NCBP3: variants seen among roughly 807,000 people sequenced by gnomAD.
NCBP3 encodes the protein nuclear cap-binding protein subunit 3.
NCBP3 carries 20 observed loss-of-function variants against 75.7 expected under a neutral mutation model. That is an observed-to-expected ratio of 0.26 (90% CI 0.19 to 0.38). NCBP3 has a LOEUF of 0.38. Ranked by LOEUF, NCBP3 falls within the 10% of genes least tolerant of loss-of-function variation. NCBP3 has a pLI of 1.00. For missense variants in NCBP3, 678 were observed against 796.9 expected (o/e 0.85, Z 1.80); for synonymous variants, 293 against 290.5 (o/e 1.01, Z -0.09).
chr17:3,814,292 C>A (rs747260140), intron 12 of NCBP3, 30 bp downstream of exon 12: 1 of 1,611,346 alleles, frequency 6.2e-7, no homozygotes. Flanking sequence ...CACTGAATCC[C>A]CATTCCCATC....
chr17:3,838,595 G>A (rs2054015292), intron 3 of NCBP3, among the ~76,000 whole-genome samples: 2 of 152,172 alleles, frequency 1.3e-5, no homozygotes, highest in African/African-American at 2.4e-5. Flanking sequence ...GAGGAGGGAC[G>A]CAATATCAGT....
intron 2 of NCBP3, 63 bp downstream of exon 2, chr17:3,843,023 G>T: frequency 8.1e-7 from 1 of 1,236,148 alleles, no homozygotes; most frequent in Non-Finnish European, 1.2e-6. Context: ...TATGTCCTAG[G>T]GATCAAATTC....
chr17:3,820,094 G>T (rs768875264), intron 9 of NCBP3, among the ~76,000 whole-genome samples: 1 of 152,088 alleles, frequency 6.6e-6, no homozygotes. Context: ...ACAGGTATGT[G>T]CCATCATGCC....
intron 2 of NCBP3, among the ~76,000 whole-genome samples, chr17:3,841,070 G>C (rs987655744): frequency 6.6e-6 from 1 of 152,024 alleles, no homozygotes; most frequent in African/African-American, 2.4e-5. Context: ...TCCGCCTCCC[G>C]GGTTCAAGAG....
At chr17:3,843,419 A>C (rs111565147) in intron 1 of NCBP3, among the ~76,000 whole-genome samples, 2,914 of 151,668 alleles carry the variant, frequency 0.019, 107 homozygotes, top group African/African-American at 0.068. Flanking sequence ...TATTTTGTAG[A>C]GACAGGGTCT....
intron 3 of NCBP3, among the ~76,000 whole-genome samples, chr17:3,829,776 A>G (rs980028019): frequency 8.5e-5 from 13 of 152,222 alleles, no homozygotes; most frequent in African/African-American, 3.1e-4. Flanking sequence ...AAGAGAAGAG[A>G]TGCTGCCCGT....
rs549054051 is a variant in NCBP3 at position 3,807,242 on chromosome 17, A to G, written c.*5802T>C. ...CTTTAGGGTCTAGCGCCTGCCTACC[A>G]GCTTCCTCTACTTCTATCCCGGGAC... is the stretch of plus-strand genomic sequence containing the variant. On this transcript the variant is annotated 3_prime_UTR_variant, in exon 13 of 13. Coordinates refer to ENST00000389005, the MANE Select transcript of NCBP3 (RefSeq NM_001114118.3). 5.9e-5 allele frequency: 9 copies of G among 152,354 alleles called. No homozygotes were observed. The East Asian group carries it at 1.7e-3, about 29-fold the overall frequency. The allele number at this position is 152,354 out of a possible 1,614,324, so 9.4% of individuals were successfully genotyped here.
At position 3,821,491 on chromosome 17, in the gene NCBP3, C is replaced by T. The variant is rs148039384; in HGVS notation, c.897-139G>A. ...AGGCTGAAGTGCAATGGCACCATCTCAGCTCACTGCAACCTTTGCCTCTTG... is the reference window on the plus strand; with the variant it reads ...AGGCTGAAGTGCAATGGCACCATCTTAGCTCACTGCAACCTTTGCCTCTTG... On this transcript the variant is annotated intron_variant, in intron 8 of 12. Transcript: ENST00000389005. 5.2e-3 allele frequency: 3,301 copies of T among 639,710 alleles called. 91 individuals are homozygous for T. The African/African-American group carries it at 0.054, about 10-fold the overall frequency. 39.6% of individuals were successfully genotyped at this position (639,710 alleles called of 1,614,324 possible).
At position 3,843,107 on chromosome 17, in the gene NCBP3, A is replaced by T. The variant is rs1163914319; in HGVS notation, c.228T>A (p.Thr76=). 6.4e-7 allele frequency: 1 copy of T among 1,551,628 alleles called. No homozygotes were observed. Among genetic ancestry groups the T allele is most frequent in the Non-Finnish European group, 8.7e-7 (1 of 1,146,904 alleles). ...TTACCTTGGAGGTGACATCAATTCC[A>T]GTGATGAAGCTGCCAGCCTTGTTTT... is the stretch of plus-strand genomic sequence containing the variant. ...RYENKAGSFI[T]GIDVTSKEAI... Residue 76 remains threonine (T), a synonymous_variant, in exon 2 of 13, where the codon ACT becomes ACA. Transcript: ENST00000389005.
chr17:3,814,466 C>T lies in NCBP3; in HGVS notation c.1483G>A (p.Gly495Arg), dbSNP rs2053490151. 6.2e-7 allele frequency: 1 copy of T among 1,614,054 alleles called. No homozygotes were observed. The highest frequency in any genetic ancestry group is 1.3e-5 in the African/African-American group (1 of 74,908). Residue 495 changes from glycine to arginine, a missense_variant, in exon 12 of 13, where the codon GGA becomes AGA. Around this residue, in one of 7 missense-constraint regions of NCBP3, gnomAD observed 365 missense variants for 392.7 expected, o/e 0.93. Coordinates refer to ENST00000389005, the MANE Select transcript of NCBP3 (RefSeq NM_001114118.3). The stretch of plus-strand genomic sequence containing the variant: ...TTTTCCGGAGAATGTGGTCTTTTTC[C>T]TAACCGCTGGCGTATATCTGAAAAA... ...STKSDIRQRL[G>R]KRPHSPEKAF...
intron 9 of NCBP3, among the ~76,000 whole-genome samples, chr17:3,819,121 T>C (rs927295922): frequency 2.6e-5 from 4 of 152,274 alleles, no homozygotes; most frequent in African/African-American, 4.8e-5. Flanking sequence ...TGCTGCCTAG[T>C]GTTCCTAGAT....
intron 2 of NCBP3, 81 bp downstream of exon 2, chr17:3,843,005 T>G: frequency 8.8e-7 from 1 of 1,130,254 alleles, no homozygotes; most frequent in African/African-American, 1.6e-5. Flanking sequence ...AGAGGAAATA[T>G]TTACTGTTAT....
At chr17:3,835,965 T>C (rs759582121) in intron 3 of NCBP3, among the ~76,000 whole-genome samples, 5 of 152,218 alleles carry the variant, frequency 3.3e-5, no homozygotes, top group African/African-American at 9.6e-5. Context: ...TGTGGGACTA[T>C]GAGCAAGTTT....
At chr17:3,825,655 C>T (rs1164173471) in intron 6 of NCBP3, 112 bp downstream of exon 6, 2 of 724,970 alleles carry the variant, frequency 2.8e-6, no homozygotes, top group Admixed American at 2.3e-5. Context: ...CTCAGAAGGT[C>T]TAATGGTGAA....
chr17:3,806,884 G>A lies in NCBP3; in HGVS notation c.*6160C>T, dbSNP rs1049108085. 2.6e-5 allele frequency: 4 copies of A among 152,238 alleles called. No individual in the cohort carries two copies. The highest frequency in any genetic ancestry group is 1.9e-4 in the East Asian group (1 of 5,192). 9.4% of individuals were successfully genotyped at this position (152,238 alleles called of 1,614,324 possible). ...CAAAAGCATTCTCTTCTTTCAGTTC[G>A]TAAAAGAAAAACATGGTTTAACTTC... On this transcript the variant is annotated 3_prime_UTR_variant, in exon 13 of 13. Coordinates refer to ENST00000389005, the MANE Select transcript of NCBP3 (RefSeq NM_001114118.3).
intron 10 of NCBP3, 93 bp from the exon 11 acceptor site, chr17:3,816,363 T>A: frequency 8.8e-7 from 1 of 1,140,250 alleles, no homozygotes; most frequent in Non-Finnish European, 1.2e-6. Flanking sequence ...GGAAACAATT[T>A]AAGAAATCCT....
chr17:3,826,154 C>A lies in NCBP3; in HGVS notation c.543G>T (p.Leu181=), dbSNP rs2053780331. 3 of 1,551,528 alleles carry A rather than the reference C, an allele frequency of 1.9e-6. No homozygotes were observed. The highest frequency in any genetic ancestry group is 1.2e-5 in the South Asian group (1 of 84,068). ...ATRALINMSS[L]PAQDKIRSRD... ...TGCTTCTGATCTTATCCTGTGCAGG[C>A]AGGGAGCTCATATTGATAAGTGCTC... The change falls in exon 5 of 13, where the codon CTG becomes CTT. Residue 181 remains leucine, a synonymous_variant. Transcript: ENST00000389005.
At chr17:3,843,621 A>C (rs1386587794) in intron 1 of NCBP3, among the ~76,000 whole-genome samples, 2 of 152,216 alleles carry the variant, frequency 1.3e-5, no homozygotes, top group Non-Finnish European at 2.9e-5. Flanking sequence ...AACTCGGCTC[A>C]CTGCAACCTC....
At chr17:3,821,130 G>T (rs2053654968) in intron 9 of NCBP3, 119 bp downstream of exon 9, 2 of 652,162 alleles carry the variant, frequency 3.1e-6, no homozygotes, top group African/African-American at 1.8e-5. Flanking sequence ...TGTTGGCAGA[G>T]GGTGAGGGCA....
Sources: allele counts gnomAD v4.1 joint callset (sites outside exome capture counted in the v4.1 genomes callset), GRCh38; gene constraint gnomAD v4.1.1; regional missense constraint gnomAD v4.1.1; transcripts MANE v1.5; gene names NCBI Gene and HGNC (gene_info 2026-07-23, HGNC 2026-07-21).